Variants in SYNE2 observed in about 807,000 individuals in gnomAD.
SYNE2 encodes nesprin-2.
Under a neutral mutation model 856.3 loss-of-function variants are expected in SYNE2, and 431 were observed. That is an observed-to-expected ratio of 0.50 (90% CI 0.47 to 0.55). The LOEUF (loss-of-function observed/expected upper bound fraction) is 0.55, where lower values mean the gene tolerates loss of function less well. SYNE2 is among the 20% of genes least tolerant of loss of function. The probability of loss-of-function intolerance (pLI) is 0.00; values close to 1 mark genes in which losing one functional copy is unlikely to be tolerated. For missense variants in SYNE2, 8,129 were observed against 8,023.2 expected (o/e 1.01, Z -0.50); for synonymous variants, 2,923 against 2,872.3 (o/e 1.02, Z -0.56).
chr14:64,038,340 C>T (rs1243133576), intron 45 of SYNE2, among the ~76,000 whole-genome samples: 79 of 152,258 alleles, frequency 5.2e-4, no homozygotes, highest in Non-Finnish European at 9.9e-4. Context: ...CGGGCAGAGA[C>T]GCTCCTCACT....
chr14:63,865,501 G>A lies in SYNE2; in HGVS notation c.-52+12358G>A, dbSNP rs1387982522. Among the ~76,000 whole-genome samples the A allele has an allele frequency of 2.0e-5, 3 of 152,090 alleles. No homozygotes were observed. The East Asian group carries it at 5.8e-4, about 29-fold the overall frequency. ...GAGAGTGGAGGAGAGTGATTCTCCT[G>A]CCTTAGCCTCCCAAGTAGCTGGAGG... On this transcript the variant is annotated intron_variant, in intron 1 of 115. Transcript: ENST00000555002.
At chr14:64,211,274 G>T (rs775728184) in intron 103 of SYNE2, among the ~76,000 whole-genome samples, 5 of 152,112 alleles carry the variant, frequency 3.3e-5, no homozygotes, top group African/African-American at 1.2e-4. Context: ...CACCATGCCC[G>T]GCCTCTTGCA....
rs147627816 is a variant in SYNE2, at chr14:63,985,066, C to T, written c.2151+1180C>T. Among the ~76,000 whole-genome samples the T allele has an allele frequency of 4.3e-4, 66 of 152,200 alleles. No individual in the cohort carries two copies. In the East Asian group the frequency reaches 0.011, roughly 26 times the overall value. ...TCAGAATGTATCTTTCGGCTGGGAG[C>T]GGTGGCTCATGCCAGCACTTTGGAA... On this transcript the variant is annotated intron_variant, in intron 18 of 115. Transcript: ENST00000555002.
Position 64,097,931 on chromosome 14 carries a change from A to G in SYNE2, c.12109-18A>G, listed in dbSNP as rs1567287541. 2 of 1,614,120 alleles carry G rather than the reference A, an allele frequency of 1.2e-6. No homozygotes were observed. The highest frequency in any genetic ancestry group is 2.2e-5 in the East Asian group (1 of 44,886). ...GCCTCAGACTTCTCAAACCTATGCA[A>G]ACACTCTTTCTACACAGGGAGAAAT... On this transcript the variant is annotated intron_variant, in intron 61 of 115. Coordinates refer to ENST00000555002, the MANE Select transcript of SYNE2 (RefSeq NM_182914.3).
chr14:63,922,118 C>T (rs1483957096), intron 2 of SYNE2, among the ~76,000 whole-genome samples: 1 of 152,140 alleles, frequency 6.6e-6, no homozygotes, highest in Non-Finnish European at 1.5e-5. Flanking sequence ...CTTCTCCTAC[C>T]TCAGTCTCTT....
chr14:64,088,283 A>G (rs559197359), intron 58 of SYNE2, among the ~76,000 whole-genome samples: 5 of 152,244 alleles, frequency 3.3e-5, no homozygotes, highest in African/African-American at 4.8e-5. Context: ...TTGTGGAATT[A>G]TATTTTACTT....
At chr14:64,169,080 TGTTG>T in intron 93 of SYNE2, 109 bp downstream of exon 93, 1 of 833,304 alleles carries the variant, frequency 1.2e-6, no homozygotes, top group Admixed American at 1.9e-5. Flanking sequence ...CCCTGTGCCC[TGTTG>T]GTTGACAGAT....
At chr14:63,955,234 A>G (rs2096226783) in intron 8 of SYNE2, among the ~76,000 whole-genome samples, 1 of 151,980 alleles carries the variant, frequency 6.6e-6, no homozygotes, top group Non-Finnish European at 1.5e-5. Flanking sequence ...CTTTTGTAAG[A>G]TGTTTCTCTG....
chr14:63,907,802 G>A (rs1177784418), intron 1 of SYNE2, among the ~76,000 whole-genome samples: 2 of 152,106 alleles, frequency 1.3e-5, no homozygotes, highest in African/African-American at 4.8e-5. Context: ...GGCTCATGGT[G>A]AACTAATAAA....
intron 1 of SYNE2, among the ~76,000 whole-genome samples, chr14:63,773,037 G>GA (rs1566557455): frequency 6.6e-6 from 1 of 151,480 alleles, no homozygotes; most frequent in African/African-American, 2.4e-5. Flanking sequence ...CTCGGCCTCC[G>GA]AAAGTGCTGG....
At chr14:64,101,000 C>G (rs112887413) in intron 63 of SYNE2, among the ~76,000 whole-genome samples, 4,414 of 152,058 alleles carry the variant, frequency 0.029, 92 homozygotes, top group South Asian at 0.064. Context: ...TTTTTAAGGC[C>G]AGATAGTATT....
At position 64,022,831 on chromosome 14, in the gene SYNE2, A is replaced by C; in HGVS notation, c.5605A>C (p.Lys1869Gln). 1 of 1,609,166 alleles carries C rather than the reference A, an allele frequency of 6.2e-7. No homozygotes were observed. Among genetic ancestry groups the C allele is most frequent in the Non-Finnish European group, 8.5e-7 (1 of 1,175,948 alleles). Residue 1869 changes from lysine (K) to glutamine (Q), a missense_variant, in exon 38 of 116, where the codon AAG becomes CAG. Physicochemically the swap from Lys to Gln is moderately conservative, Grantham distance 53 (BLOSUM62 1). This residue lies in a region of SYNE2 where 2,422 missense variants were observed against 2,357.4 expected (regional missense o/e 1.03). Transcript: ENST00000555002. Reference protein sequence around the residue: ...KECFESSETKKSVEQKLQKLS... With the variant: ...KECFESSETKQSVEQKLQKLS... ...GTGTTTTGAATCATCAGAAACAAAA[A>C]AGAGTGTGGAACAAAAGCTACAAAA...
At chr14:64,067,619 G>A (rs2097367479) in intron 51 of SYNE2, among the ~76,000 whole-genome samples, 1 of 152,124 alleles carries the variant, frequency 6.6e-6, no homozygotes, top group African/African-American at 2.4e-5. Flanking sequence ...TAATAATCCA[G>A]TGTTTATGAA....
chr14:63,805,589 G>A (rs1888332384), intron 1 of SYNE2, among the ~76,000 whole-genome samples: 1 of 152,024 alleles, frequency 6.6e-6, no homozygotes, highest in African/African-American at 2.4e-5. Context: ...GGGTTTCACT[G>A]TGGTCTCTAT....
At chr14:64,032,112 A>T (rs955959603) in intron 45 of SYNE2, among the ~76,000 whole-genome samples, 1 of 152,228 alleles carries the variant, frequency 6.6e-6, no homozygotes, top group African/African-American at 2.4e-5. Context: ...ATCAACAGGA[A>T]TAAAGAGAAC....
In SYNE2 at chr14:64,216,119, A is replaced by G. The variant is rs191641637; in HGVS notation, c.19403-129A>G. 51 of 1,559,956 alleles carry G rather than the reference A, an allele frequency of 3.3e-5. No individual in the cohort carries two copies. The East Asian group carries it at 1.1e-3, about 35-fold the overall frequency. ...TCATTCTCTTCTGGGACATACTGAC[A>G]TTTTGCAAACATGCATGCTTTGCAA... On this transcript the variant is annotated intron_variant, in intron 107 of 115. Coordinates refer to ENST00000555002, the MANE Select transcript of SYNE2 (RefSeq NM_182914.3).
chr14:64,134,097 C>T lies in SYNE2; in HGVS notation c.14543C>T (p.Ala4848Val), dbSNP rs764024051. ...TGGGAAGAATTTGATGAAAACTATG[C>T]ATCTCTTGAAAAGGACCTGGAAATT... ...QKWEEFDENY[A>V]SLEKDLEILI... Residue 4848 changes from alanine to valine, a missense_variant, in exon 78 of 116, where the codon GCA becomes GTA. Around this residue, in one of 3 missense-constraint regions of SYNE2, gnomAD observed 5,410 missense variants for 5,284.8 expected, o/e 1.02. Coordinates refer to ENST00000555002, the MANE Select transcript of SYNE2 (RefSeq NM_182914.3). 6.2e-7 allele frequency: 1 copy of T among 1,614,022 alleles called. No individual in the cohort carries two copies. The highest frequency in any genetic ancestry group is 1.7e-5 in the Admixed American group (1 of 60,018).
intron 57 of SYNE2, chr14:64,085,194 T>A: frequency 1.9e-6 from 1 of 536,530 alleles, no homozygotes. Context: ...CACCTTAGCC[T>A]CCCAGGTAGT....
intron 2 of SYNE2, among the ~76,000 whole-genome samples, chr14:63,915,940 A>T (rs527452775): frequency 6.6e-6 from 1 of 152,312 alleles, no homozygotes; most frequent in Non-Finnish European, 1.5e-5. Flanking sequence ...CGTAATGGAG[A>T]TGCAATGTTT....
Sources: gnomAD v4.1 joint callset for allele counts (sites outside exome capture counted in the v4.1 genomes callset) on GRCh38, gnomAD v4.1.1 for gene constraint, gnomAD v4.1.1 regional missense constraint, MANE v1.5 for transcripts, NCBI Gene and HGNC (gene_info 2026-07-23, HGNC 2026-07-21) for gene names.